EPHB2: variants seen among roughly 807,000 people sequenced by gnomAD.
The protein encoded by EPHB2 is ephrin type-B receptor 2.
A neutral mutation model predicts 96.4 loss-of-function variants in EPHB2; 18 were observed. The observed-to-expected ratio is 0.19, with a 90% CI of 0.13 to 0.28. EPHB2 has a LOEUF of 0.28. Ranked by LOEUF, EPHB2 falls within the 10% of genes least tolerant of loss-of-function variation. The pLI is 1.00. For synonymous variants in EPHB2, 506 were observed against 534.1 expected (o/e 0.95, Z 0.72); for missense variants, 989 against 1,355.4 (o/e 0.73, Z 4.25).
intron 11 of EPHB2, 105 bp downstream of exon 11, chr1:22,907,062 A>G (rs1639941181): frequency 2.1e-6 from 3 of 1,438,980 alleles, no homozygotes; most frequent in Middle Eastern, 2.0e-4. Context: ...GAAAAGCTCT[A>G]GGTCAGGAAT....
chr1:22,865,212 G>C lies in EPHB2; in HGVS notation c.1303G>C (p.Ala435Pro). The stretch of plus-strand genomic sequence containing the variant: ...TGTGAACATCACCACCAACCAGGCA[G>C]GTAAGTGCTTCCGACGTGGGCCAGG... The part of the protein sequence containing the change: ...ASVNITTNQA[A>P]PSAVSIMHQV... Residue 435 changes from alanine (A) to proline (P), a missense_variant and splice_region_variant, in exon 5 of 16, where the codon GCT becomes CCT. Ala to Pro is a conservative substitution (Grantham distance 27). Transcript: ENST00000374630. The C allele has an allele frequency of 6.2e-7, 1 of 1,614,222 alleles. No homozygotes were observed. The highest frequency in any genetic ancestry group is 8.5e-7 in the Non-Finnish European group (1 of 1,180,042).
chr1:22,735,841 G>A (rs1643815168), intron 1 of EPHB2, among the ~76,000 whole-genome samples: 1 of 152,188 alleles, frequency 6.6e-6, no homozygotes, highest in Non-Finnish European at 1.5e-5. Context: ...CTGAGGGAGA[G>A]GGCTGGGAGG....
intron 13 of EPHB2, 106 bp downstream of exon 13, chr1:22,909,277 C>A: frequency 6.4e-7 from 1 of 1,559,890 alleles, no homozygotes; most frequent in Admixed American, 1.8e-5. Flanking sequence ...GGGACATAGG[C>A]TTCTGAGATC....
rs60111197 is a variant in EPHB2, at chr1:22,868,831, G to T, written c.1303+3619G>T. Among the ~76,000 whole-genome samples, 741 of 152,248 alleles carry T rather than the reference G, an allele frequency of 4.9e-3. 6 individuals are homozygous for T. The highest frequency in any genetic ancestry group is 0.017 in the African/African-American group (692 of 41,534). On this transcript the variant is annotated intron_variant, in intron 5 of 15. Coordinates refer to ENST00000374630, the MANE Select transcript of EPHB2 (RefSeq NM_017449.5). ...TGGGGTCATTGTTCTAATCTACCAT[G>T]CACGTGAAAATCACTTCCTCTGAGG...
chr1:22,727,616 A>G (rs1439455201), intron 1 of EPHB2, among the ~76,000 whole-genome samples: 1 of 152,152 alleles, frequency 6.6e-6, no homozygotes, highest in Non-Finnish European at 1.5e-5. Context: ...TTGCCTGAGG[A>G]CACACAGAGA....
At chr1:22,730,617 GC>G (rs1643687232) in intron 1 of EPHB2, among the ~76,000 whole-genome samples, 1 of 151,682 alleles carries the variant, frequency 6.6e-6, no homozygotes, top group Non-Finnish European at 1.5e-5. Context: ...CCAGAAGGAA[GC>G]AAGAGAGGGG....
rs763649045 is a variant in EPHB2 at position 22,864,872 on chromosome 1, C to A, written c.968-5C>A. 4 of 1,601,548 alleles carry A rather than the reference C, an allele frequency of 2.5e-6. No homozygotes were observed. Among genetic ancestry groups the A allele is most frequent in the Non-Finnish European group, 3.4e-6 (4 of 1,174,046 alleles). ...CCACTGACCAACACCTCTCCCCCGC[C>A]CCAGCCATCCCCTCCGCGCCCCAGG... On this transcript the variant is annotated splice_polypyrimidine_tract_variant and splice_region_variant and intron_variant, in intron 4 of 15. Coordinates refer to ENST00000374630, the MANE Select transcript of EPHB2 (RefSeq NM_017449.5).
At chr1:22,848,063 A>G (rs1455663932) in intron 3 of EPHB2, among the ~76,000 whole-genome samples, 1 of 152,216 alleles carries the variant, frequency 6.6e-6, no homozygotes, top group Non-Finnish European at 1.5e-5. Context: ...CAAAGTGATC[A>G]TTGAGAAACA....
At chr1:22,884,107 C>T (rs309481) in intron 6 of EPHB2, among the ~76,000 whole-genome samples, 72,241 of 151,844 alleles carry the variant, frequency 0.48, 17,591 homozygotes, top group Non-Finnish European at 0.5. Flanking sequence ...CTTAGAGCAC[C>T]GCATGCGGGC....
chr1:22,783,863 A>G lies in EPHB2; in HGVS notation c.127-529A>G, dbSNP rs554548121. ...AAAGCCCCAGAGCAGAGCTGTTCTC[A>G]TGGGGAAGGACCCTGTCTTCCCCAT... On this transcript the variant is annotated intron_variant, in intron 2 of 15. Transcript: ENST00000374630. 2.6e-5 allele frequency among the ~76,000 whole-genome samples: 4 copies of G among 152,190 alleles called. No homozygotes were observed. In the South Asian group the frequency reaches 6.2e-4, roughly 24 times the overall value.
intron 1 of EPHB2, among the ~76,000 whole-genome samples, chr1:22,761,636 T>C (rs1034767046): frequency 6.6e-6 from 1 of 152,152 alleles, no homozygotes; most frequent in Non-Finnish European, 1.5e-5. Context: ...TTGAGTAAGA[T>C]AATTCCCTAG....
chr1:22,781,029 G>C (rs1426964906), intron 1 of EPHB2, among the ~76,000 whole-genome samples: 1 of 152,014 alleles, frequency 6.6e-6, no homozygotes, highest in East Asian at 1.9e-4. Flanking sequence ...GGGCCCGGCC[G>C]TGAGGGTCTG....
At chr1:22,742,331 G>A (rs1012391201) in intron 1 of EPHB2, among the ~76,000 whole-genome samples, 2 of 152,094 alleles carry the variant, frequency 1.3e-5, no homozygotes, top group Non-Finnish European at 2.9e-5. Flanking sequence ...GAACAGTTAG[G>A]AATAATGGAG....
At chr1:22,877,578 T>C (rs78593731) in intron 5 of EPHB2, among the ~76,000 whole-genome samples, 2,397 of 152,236 alleles carry the variant, frequency 0.016, 70 homozygotes, top group African/African-American at 0.054. Flanking sequence ...ACTCTTTGTA[T>C]GGCTGCTCCA....
chr1:22,873,193 G>A (rs929130677), intron 5 of EPHB2, among the ~76,000 whole-genome samples: 8 of 152,240 alleles, frequency 5.3e-5, no homozygotes, highest in Admixed American at 3.3e-4. Flanking sequence ...GGACAGCAAC[G>A]CTGGTCTTGG....
At chr1:22,764,619 AC>A (rs1644281277) in intron 1 of EPHB2, among the ~76,000 whole-genome samples, 1 of 151,890 alleles carries the variant, frequency 6.6e-6, no homozygotes, top group Non-Finnish European at 1.5e-5. Flanking sequence ...GGTGGCTCGC[AC>A]CTATAATCCC....
intron 3 of EPHB2, 51 bp downstream of exon 3, chr1:22,785,127 T>A (rs768073567): frequency 6.7e-5 from 107 of 1,606,774 alleles, no homozygotes; most frequent in Middle Eastern, 1.8e-4. Flanking sequence ...GAACTGGTCT[T>A]GGCTGCAGAC....
intron 3 of EPHB2, among the ~76,000 whole-genome samples, chr1:22,818,603 C>T (rs1341635521): frequency 6.6e-6 from 1 of 152,216 alleles, no homozygotes; most frequent in Non-Finnish European, 1.5e-5. Context: ...CACCCTCCGG[C>T]CCAGCCTTCC....
chr1:22,792,571 GTCCATCCA>G (rs372019690), intron 3 of EPHB2, among the ~76,000 whole-genome samples: 18 of 151,660 alleles, frequency 1.2e-4, no homozygotes, highest in Non-Finnish European at 1.5e-4. Flanking sequence ...CCATCCATTG[GTCCATCCA>G]TCCATCCATC....
Sources: gnomAD v4.1 joint callset for allele counts (sites outside exome capture counted in the v4.1 genomes callset) on GRCh38, gnomAD v4.1.1 for gene constraint, MANE v1.5 for transcripts, NCBI Gene and HGNC (gene_info 2026-07-23, HGNC 2026-07-21) for gene names.